The following PRUNE1 variants were observed in gnomAD, a reference collection of about 807,000 sequenced individuals.
The protein encoded by PRUNE1 is prune exopolyphosphatase 1, also known as exopolyphosphatase PRUNE1.
Under a neutral mutation model 42.5 loss-of-function variants are expected in PRUNE1, and 25 were observed. The ratio of observed to expected loss-of-function variants is 0.59; its 90% CI spans 0.43 to 0.82. The LOEUF (loss-of-function observed/expected upper bound fraction) is 0.82, where lower values mean the gene tolerates loss of function less well. PRUNE1 is among the 40% of genes least tolerant of loss of function. PRUNE1 has a pLI of 0.00. For missense variants in PRUNE1, 443 were observed against 539.3 expected (o/e 0.82, Z 1.77); for synonymous variants, 203 against 217.1 (o/e 0.93, Z 0.57).
At chr1:151,019,885 T>C (rs1674315948) in intron 3 of PRUNE1, among the ~76,000 whole-genome samples, 1 of 150,992 alleles carries the variant, frequency 6.6e-6, no homozygotes, top group Non-Finnish European at 1.5e-5. Flanking sequence ...TTCAGTGCAG[T>C]GGTGTGATCT....
At chr1:151,009,849 AC>A (rs1673642121) in intron 1 of PRUNE1, among the ~76,000 whole-genome samples, 1 of 152,124 alleles carries the variant, frequency 6.6e-6, no homozygotes, top group African/African-American at 2.4e-5. Context: ...CCTTTTTGTT[AC>A]CTCTGAGTCC....
At chr1:151,031,522 C>T (rs1255140831) in intron 7 of PRUNE1, among the ~76,000 whole-genome samples, 1 of 152,064 alleles carries the variant, frequency 6.6e-6, no homozygotes, top group East Asian at 1.9e-4. Flanking sequence ...CTACCATCTC[C>T]TCTCTTTCTC....
chr1:151,027,782 G>GTGCA (rs71090119), intron 6 of PRUNE1, among the ~76,000 whole-genome samples: 6 of 125,266 alleles, frequency 4.8e-5, no homozygotes, highest in Non-Finnish European at 8.4e-5. Flanking sequence ...GTGTGTGTGT[G>GTGCA]CGCGCGCGTG....
intron 1 of PRUNE1, among the ~76,000 whole-genome samples, chr1:151,016,171 A>C (rs1012688991): frequency 4.6e-5 from 7 of 151,784 alleles, no homozygotes; most frequent in Non-Finnish European, 4.4e-5. Flanking sequence ...CAGGAGGTGG[A>C]GGTTGCCGTG....
chr1:151,024,837 C>T, intron 4 of PRUNE1, 42 bp downstream of exon 4: 2 of 1,557,104 alleles, frequency 1.3e-6, no homozygotes, highest in Non-Finnish European at 1.7e-6. Context: ...AGTTCTATTC[C>T]TGTCCCTGAG....
chr1:151,023,486 G>A (rs142520431), intron 3 of PRUNE1, among the ~76,000 whole-genome samples: 2,440 of 149,980 alleles, frequency 0.016, 36 homozygotes, highest in African/African-American at 0.043. Flanking sequence ...TTGGGAGGCC[G>A]AGGCGGGCGG....
At chr1:151,012,829 T>C (rs1220600590) in intron 1 of PRUNE1, among the ~76,000 whole-genome samples, 3 of 152,112 alleles carry the variant, frequency 2.0e-5, no homozygotes, top group Non-Finnish European at 2.9e-5. Context: ...TGGAGTGCAA[T>C]GGTGGGATCT....
intron 7 of PRUNE1, among the ~76,000 whole-genome samples, chr1:151,032,518 AGCCT>A (rs1675296918): frequency 6.6e-6 from 1 of 152,104 alleles, no homozygotes; most frequent in Admixed American, 6.5e-5. Context: ...GTTCGAGACC[AGCCT>A]GGCTAACATG....
intron 5 of PRUNE1, among the ~76,000 whole-genome samples, 159 bp downstream of exon 5, chr1:151,025,832 C>T (rs183077623): frequency 6.6e-6 from 1 of 151,970 alleles, no homozygotes; most frequent in East Asian, 2.0e-4. Flanking sequence ...CCTCGACCTC[C>T]TGGGTTCAAG....
At chr1:151,018,342 G>A (rs762067335) in intron 2 of PRUNE1, 125 bp from the exon 3 acceptor site, 1 of 842,586 alleles carries the variant, frequency 1.2e-6, no homozygotes, top group Admixed American at 1.7e-5. Context: ...TTATAGACTG[G>A]GTACTTATGG....
At chr1:151,017,771 A>G (rs377150735) in intron 1 of PRUNE1, 41 bp from the exon 2 acceptor site, 27 of 1,230,754 alleles carry the variant, frequency 2.2e-5, no homozygotes, top group African/African-American at 1.1e-4. Context: ...GGAAATGAAT[A>G]GAGATACTTT....
chr1:151,029,073 T>TGACCTGTTTCTG, intron 7 of PRUNE1, 129 bp downstream of exon 7: 1 of 944,166 alleles, frequency 1.1e-6, no homozygotes, highest in Admixed American at 3.2e-5. Flanking sequence ...TGAGGTCCCT[T>TGACCTGTTTCTG]GACCTGTTTC....
At chr1:151,033,070 G>C (rs964781724) in intron 7 of PRUNE1, among the ~76,000 whole-genome samples, 1 of 149,300 alleles carries the variant, frequency 6.7e-6, no homozygotes, top group South Asian at 2.1e-4. Context: ...CACTGTGCCC[G>C]GCCTCAAGGA....
At position 151,008,598 on chromosome 1, in the gene PRUNE1, T is replaced by C; in HGVS notation, c.-35T>C. The C allele has an allele frequency of 6.2e-7, 1 of 1,613,884 alleles. No homozygotes were observed. The highest frequency in any genetic ancestry group is 8.5e-7 in the Non-Finnish European group (1 of 1,179,792). ...TCTCCTCGACCAGGGGCACCTCTAC[T>C]CGACCAGGGGCGACGGCGTACTTTG... is the stretch of plus-strand genomic sequence containing the variant. On this transcript the variant is annotated 5_prime_UTR_variant, in exon 1 of 8. Transcript: ENST00000271620.
chr1:151,029,839 G>T (rs1301899637), intron 7 of PRUNE1, among the ~76,000 whole-genome samples: 2 of 152,072 alleles, frequency 1.3e-5, no homozygotes, highest in Non-Finnish European at 2.9e-5. Context: ...TACTTACTAT[G>T]CAGGGATTAA....
In PRUNE1 at chr1:151,034,815, A is replaced by C. The variant is rs963113597; in HGVS notation, c.*581A>C. On this transcript the variant is annotated 3_prime_UTR_variant, in exon 8 of 8. Coordinates refer to ENST00000271620, the MANE Select transcript of PRUNE1 (RefSeq NM_021222.3). ...CAGAGATGGCTGAATTTCTATTCTT[A>C]GCTTATTGTGACTGTTTCAGATCTA... 2 of 157,570 alleles carry C rather than the reference A, an allele frequency of 1.3e-5. No individual in the cohort carries two copies. The highest frequency in any genetic ancestry group is 2.8e-5 in the Non-Finnish European group (2 of 70,894). The allele number at this position is 157,570 out of a possible 1,614,324, so 9.8% of individuals were successfully genotyped here.
intron 3 of PRUNE1, among the ~76,000 whole-genome samples, chr1:151,019,669 T>C (rs761208671): frequency 3.3e-5 from 5 of 151,934 alleles, no homozygotes; most frequent in Non-Finnish European, 4.4e-5. Context: ...TGTACTTACT[T>C]ATTAAATTTT....
chr1:151,018,399 A>G, intron 2 of PRUNE1, 68 bp from the exon 3 acceptor site: 2 of 1,327,618 alleles, frequency 1.5e-6, no homozygotes, highest in Non-Finnish European at 1.1e-6. Context: ...CTTTGGTCCC[A>G]GTAGTCTTGT....
chr1:151,016,577 C>T (rs1674114798), intron 1 of PRUNE1, among the ~76,000 whole-genome samples: 1 of 152,058 alleles, frequency 6.6e-6, no homozygotes, highest in Non-Finnish European at 1.5e-5. Context: ...TCTCGGCTCA[C>T]TGCAACCTCC....
Sources: gnomAD v4.1 joint callset for allele counts (sites outside exome capture counted in the v4.1 genomes callset) on GRCh38, gnomAD v4.1.1 for gene constraint, MANE v1.5 for transcripts, NCBI Gene and HGNC (gene_info 2026-07-23, HGNC 2026-07-21) for gene names.